Variants in CHST11 observed in about 807,000 individuals in gnomAD.
CHST11 encodes C4S-1.
A neutral mutation model predicts 30.4 loss-of-function variants in CHST11; 9 were observed. The ratio of observed to expected loss-of-function variants is 0.30; its 90% CI spans 0.18 to 0.52. The LOEUF is 0.52. CHST11 is among the 20% of genes least tolerant of loss of function. The pLI, the probability that CHST11 is intolerant of heterozygous loss-of-function variation, is 0.97. For missense variants in CHST11, 348 were observed against 460.6 expected, an observed-to-expected ratio of 0.76 and a Z score of 2.24; for synonymous variants, 152 against 187.8, an observed-to-expected ratio of 0.81 and a Z score of 1.56.
intron 1 of CHST11, among the ~76,000 whole-genome samples, chr12:104,584,181 A>T (rs7310129): frequency 0.3 from 45,638 of 151,920 alleles, 7,612 homozygotes; most frequent in East Asian, 0.52. Context: ...CATCATTTTT[A>T]GTGGGAAGAA....
intron 2 of CHST11, among the ~76,000 whole-genome samples, chr12:104,675,633 G>T (rs1175755054): frequency 1.3e-5 from 2 of 152,202 alleles, no homozygotes; most frequent in Non-Finnish European, 2.9e-5. Context: ...AGGGGTTGAA[G>T]AACCACTCAC....
chr12:104,588,685 T>G (rs1274212502), intron 1 of CHST11, among the ~76,000 whole-genome samples: 2 of 152,252 alleles, frequency 1.3e-5, no homozygotes, highest in Non-Finnish European at 2.9e-5. Flanking sequence ...TCTAAAGTTC[T>G]GTACATGACA....
At chr12:104,529,236 C>T (rs78518998) in intron 1 of CHST11, among the ~76,000 whole-genome samples, 6,660 of 152,226 alleles carry the variant, frequency 0.044, 499 homozygotes, top group African/African-American at 0.15. Context: ...GCATACATTT[C>T]TGGGGGTTAT....
chr12:104,546,852 G>T (rs957121231), intron 1 of CHST11, among the ~76,000 whole-genome samples: 1 of 152,192 alleles, frequency 6.6e-6, no homozygotes, highest in Non-Finnish European at 1.5e-5. Context: ...CATGCTCAGG[G>T]CATGAGCCCA....
chr12:104,709,780 A>G (rs893844731), intron 2 of CHST11, among the ~76,000 whole-genome samples: 1 of 152,220 alleles, frequency 6.6e-6, no homozygotes, highest in South Asian at 2.1e-4. Flanking sequence ...AGAGGGTAAC[A>G]GCGAAAGTGG....
intron 1 of CHST11, among the ~76,000 whole-genome samples, chr12:104,532,592 C>G (rs1159100157): frequency 6.6e-6 from 1 of 152,162 alleles, no homozygotes; most frequent in African/African-American, 2.4e-5. Context: ...GCTCTCTACA[C>G]CCCTTCCCAA....
chr12:104,662,910 T>G (rs1384955250), intron 2 of CHST11, among the ~76,000 whole-genome samples: 1 of 152,228 alleles, frequency 6.6e-6, no homozygotes, highest in African/African-American at 2.4e-5. Context: ...GATAAATGAT[T>G]TAGTTGAAAT....
chr12:104,587,659 A>C (rs553031255), intron 1 of CHST11, among the ~76,000 whole-genome samples: 8 of 152,300 alleles, frequency 5.3e-5, no homozygotes, highest in African/African-American at 1.9e-4. Context: ...TAGCCTTCCA[A>C]AGTGCTGGGA....
At chr12:104,750,891 A>C (rs916201513) in intron 2 of CHST11, among the ~76,000 whole-genome samples, 2 of 152,208 alleles carry the variant, frequency 1.3e-5, no homozygotes, top group African/African-American at 4.8e-5. Context: ...ATGTATTTTT[A>C]AAAACATTAA....
chr12:104,520,708 G>A (rs576169072), intron 1 of CHST11, among the ~76,000 whole-genome samples: 23 of 152,284 alleles, frequency 1.5e-4, no homozygotes, highest in African/African-American at 5.5e-4. Context: ...TTCTGTGGCT[G>A]GAGGCTAAAT....
chr12:104,468,649 C>G lies in CHST11; in HGVS notation c.118+11120C>G, dbSNP rs144807983. Among the ~76,000 whole-genome samples the G allele has an allele frequency of 3.9e-3, 587 of 152,300 alleles. 6 individuals are homozygous for G. The highest frequency in any genetic ancestry group is 6.2e-3 in the Non-Finnish European group (419 of 68,018). The stretch of plus-strand genomic sequence containing the variant: ...ATTCTGCCCAAATGCCACCAATGCC[C>G]CTCCTTGAGAAACAGCTCAAAACTC... On this transcript the variant is annotated intron_variant, in intron 1 of 2. Coordinates refer to ENST00000303694, the MANE Select transcript of CHST11 (RefSeq NM_018413.6).
rs543775385 is a variant in CHST11, at chr12:104,676,156, T to C, written c.204+74165T>C. Among the ~76,000 whole-genome samples the C allele has an allele frequency of 9.3e-4, 142 of 152,328 alleles. 1 individual carries two copies. The highest frequency in any genetic ancestry group is 3.4e-3 in the African/African-American group (141 of 41,576). On this transcript the variant is annotated intron_variant, in intron 2 of 2. Transcript: ENST00000303694. The surrounding 1 kb of genome is among the most constrained non-coding windows in gnomAD (Gnocchi z 4.4). ...TTAGGGCACCGTATTGGTTTCCAATTGCTGCTGTAACAAAATGCTACAAAG... is the reference window on the plus strand; with the variant it reads ...TTAGGGCACCGTATTGGTTTCCAATCGCTGCTGTAACAAAATGCTACAAAG...
chr12:104,666,115 G>T (rs957308314), intron 2 of CHST11, among the ~76,000 whole-genome samples: 2 of 152,038 alleles, frequency 1.3e-5, no homozygotes, highest in Non-Finnish European at 2.9e-5. Flanking sequence ...ACCGCACCCG[G>T]CCTCTTTCTC....
chr12:104,621,063 T>C (rs1024410134), intron 2 of CHST11, among the ~76,000 whole-genome samples: 5 of 152,236 alleles, frequency 3.3e-5, no homozygotes. Context: ...CTCTATCAGT[T>C]CATTTCAAAT....
At chr12:104,715,580 A>G (rs1367668327) in intron 2 of CHST11, among the ~76,000 whole-genome samples, 6 of 152,190 alleles carry the variant, frequency 3.9e-5, no homozygotes, top group Non-Finnish European at 1.5e-5. Flanking sequence ...AAGTTTGGAC[A>G]TCCAGAGGAG....
At chr12:104,492,301 T>A (rs1310134973) in intron 1 of CHST11, among the ~76,000 whole-genome samples, 1 of 152,208 alleles carries the variant, frequency 6.6e-6, no homozygotes, top group Non-Finnish European at 1.5e-5. Context: ...TTTCACTGTG[T>A]TAGCCAGGAT....
At chr12:104,577,625 G>A (rs192270606) in intron 1 of CHST11, among the ~76,000 whole-genome samples, 3 of 152,300 alleles carry the variant, frequency 2.0e-5, no homozygotes, top group Admixed American at 2.0e-4. Flanking sequence ...AGGATGATGA[G>A]TTCATTGTCT....
Position 104,761,464 on chromosome 12 carries a change from TACACACACACACACACACACAC to T in CHST11, c.*3677_*3698del, listed in dbSNP as rs140486952. ...CTTGCTTTCCTAGCCAGTCCTCCCC[TACACACACACACACACACACAC>T]ACACACACACACACAATCTCAGCTG... On this transcript the variant is annotated 3_prime_UTR_variant, in exon 3 of 3. Transcript: ENST00000303694. The T allele has an allele frequency of 3.5e-5, 5 of 142,830 alleles. No individual in the cohort carries two copies. The highest frequency in any genetic ancestry group is 6.8e-5 in the Admixed American group (1 of 14,600). 8.8% of individuals were successfully genotyped at this position (142,830 alleles called of 1,614,324 possible). A position where few individuals can be genotyped will look rare whatever the true frequency, so the allele number is the denominator to read the frequency against.
intron 2 of CHST11, among the ~76,000 whole-genome samples, chr12:104,678,988 A>C (rs1385523243): frequency 1.3e-5 from 2 of 152,102 alleles, no homozygotes; most frequent in East Asian, 1.9e-4. Context: ...CGCTATTTTT[A>C]TCTCTCCTGA....
Sources: gnomAD v4.1 joint callset for allele counts (sites outside exome capture counted in the v4.1 genomes callset) on GRCh38, gnomAD v4.1.1 for gene constraint, Gnocchi (gnomAD v3.1) non-coding constraint, MANE v1.5 for transcripts, NCBI Gene and HGNC (gene_info 2026-07-23, HGNC 2026-07-21) for gene names.